The following RANBP10 variants were observed in gnomAD, a reference collection of about 807,000 sequenced individuals.
RANBP10 encodes the protein ran-binding protein 10.
RANBP10 carries 24 observed loss-of-function variants against 72.8 expected under a neutral mutation model. The observed-to-expected ratio is 0.33, with a 90% CI of 0.24 to 0.46. The LOEUF is 0.46. RANBP10 is among the 20% of genes least tolerant of loss of function. The pLI, the probability that RANBP10 is intolerant of heterozygous loss-of-function variation, is 1.00. For synonymous variants in RANBP10, 310 were observed against 322.3 expected, an observed-to-expected ratio of 0.96 and a Z score of 0.41; for missense variants, 679 against 817.5, an observed-to-expected ratio of 0.83 and a Z score of 2.07.
intron 3 of RANBP10, among the ~76,000 whole-genome samples, chr16:67,771,555 G>A (rs2054608139): frequency 6.6e-6 from 1 of 152,108 alleles, no homozygotes; most frequent in Admixed American, 6.5e-5. Flanking sequence ...ATGTTGGCCA[G>A]GCTGGTCTCG....
chr16:67,799,918 C>A (rs1307583036), intron 2 of RANBP10, among the ~76,000 whole-genome samples: 5 of 151,996 alleles, frequency 3.3e-5, no homozygotes, highest in Non-Finnish European at 7.4e-5. Context: ...GTCAAGAGAT[C>A]TAGAACATCC....
chr16:67,774,968 T>C (rs1024071359), intron 2 of RANBP10, among the ~76,000 whole-genome samples: 1 of 152,024 alleles, frequency 6.6e-6, no homozygotes, highest in Non-Finnish European at 1.5e-5. Context: ...TCAATAACAC[T>C]CAAGAAAGTA....
chr16:67,762,448 C>T (rs1377412642), intron 3 of RANBP10: 1 of 152,210 alleles, frequency 6.6e-6, no homozygotes, highest in Non-Finnish European at 1.5e-5. Context: ...CTCCAGGTAA[C>T]ACAGCCGCCA....
At chr16:67,764,509 T>A (rs1489860371) in intron 3 of RANBP10, among the ~76,000 whole-genome samples, 2 of 152,090 alleles carry the variant, frequency 1.3e-5, no homozygotes, top group East Asian at 3.9e-4. Flanking sequence ...AATAAAAGCA[T>A]TCTTAAAACA....
At chr16:67,762,857 C>T (rs901815841) in intron 3 of RANBP10, among the ~76,000 whole-genome samples, 5 of 152,208 alleles carry the variant, frequency 3.3e-5, no homozygotes, top group Non-Finnish European at 7.3e-5. Context: ...ATGGGGGAGT[C>T]CCAAGGAGCT....
chr16:67,758,702 T>C (rs1042727960), intron 3 of RANBP10, among the ~76,000 whole-genome samples: 3 of 152,232 alleles, frequency 2.0e-5, no homozygotes, highest in Admixed American at 2.0e-4. Flanking sequence ...CTGCTGTCGA[T>C]GAAACCTTTT....
At chr16:67,786,711 T>A (rs1376115001) in intron 2 of RANBP10, among the ~76,000 whole-genome samples, 1 of 151,962 alleles carries the variant, frequency 6.6e-6, no homozygotes, top group Non-Finnish European at 1.5e-5. Flanking sequence ...GCAGATCAGT[T>A]AAGGTCAGGA....
At chr16:67,765,172 C>T (rs375276962) in intron 3 of RANBP10, among the ~76,000 whole-genome samples, 1 of 125,784 alleles carries the variant, frequency 8.0e-6, no homozygotes. Context: ...TGCACTCCAA[C>T]CTGGGTGACA....
Position 67,788,409 on chromosome 16 carries a change from T to A in RANBP10, c.348-16323A>T, listed in dbSNP as rs181579175. On this transcript the variant is annotated intron_variant, in intron 2 of 13. Coordinates refer to ENST00000317506, the MANE Select transcript of RANBP10 (RefSeq NM_020850.3). ...CTGGGACTATAGGCGCCCGCCACCA[T>A]GCCCGGCTAATTTTTTGTTGTATTT... is the stretch of plus-strand genomic sequence containing the variant. 8.7e-4 allele frequency among the ~76,000 whole-genome samples: 131 copies of A among 151,220 alleles called. 2 individuals are homozygous for A. The highest frequency in any genetic ancestry group is 6.0e-4 in the East Asian group (3 of 5,038).
Position 67,733,854 on chromosome 16 carries a change from C to A in RANBP10, c.776+1004G>T, listed in dbSNP as rs1373217283. Among the ~76,000 whole-genome samples, 10 of 152,300 alleles carry A rather than the reference C, an allele frequency of 6.6e-5. No homozygotes were observed. In the East Asian group the frequency reaches 1.9e-3, roughly 29 times the overall value. ...AACACATCCATGTGCTGAGCCTAGG[C>A]CCTGAAAACTGAGAGTATCAGTTCC... On this transcript the variant is annotated intron_variant, in intron 6 of 13. Coordinates refer to ENST00000317506, the MANE Select transcript of RANBP10 (RefSeq NM_020850.3).
Position 67,794,967 on chromosome 16 carries a change from A to G in RANBP10, c.347+10461T>C, listed in dbSNP as rs527801343. ...AAAACAAAAAAAAAAAACAGCAACA[A>G]AAAAAGGCCAAGTACAGTGGCTCAC... On this transcript the variant is annotated intron_variant, in intron 2 of 13. Transcript: ENST00000317506. Among the ~76,000 whole-genome samples the G allele has an allele frequency of 4.9e-3, 744 of 151,254 alleles. 7 individuals are homozygous for G. Among genetic ancestry groups the G allele is most frequent in the African/African-American group, 0.017 (720 of 41,182 alleles).
chr16:67,772,199 G>T, intron 2 of RANBP10, 113 bp from the exon 3 acceptor site: 1 of 1,149,550 alleles, frequency 8.7e-7, no homozygotes, highest in Non-Finnish European at 1.2e-6. Flanking sequence ...AGCAATGAAT[G>T]TAGAGGCTCT....
In RANBP10 at chr16:67,746,325, C is replaced by A. The variant is rs535803789; in HGVS notation, c.401-1870G>T. On this transcript the variant is annotated intron_variant, in intron 3 of 13. Coordinates refer to ENST00000317506, the MANE Select transcript of RANBP10 (RefSeq NM_020850.3). The stretch of plus-strand genomic sequence containing the variant: ...TGAAACCCCATCTCTACCAAAAATA[C>A]AAAAAATTAGCCAGGCATGGTGGTG... 2.7e-3 allele frequency among the ~76,000 whole-genome samples: 392 copies of A among 145,780 alleles called. 19 individuals carry two copies. In the South Asian group the frequency reaches 0.083, roughly 31 times the overall value.
At chr16:67,791,467 G>C (rs1273090765) in intron 2 of RANBP10, among the ~76,000 whole-genome samples, 1 of 152,154 alleles carries the variant, frequency 6.6e-6, no homozygotes, top group African/African-American at 2.4e-5. Context: ...CACCCACAGG[G>C]CTCTGGTAGG....
At chr16:67,764,636 T>C (rs899781403) in intron 3 of RANBP10, among the ~76,000 whole-genome samples, 5 of 152,208 alleles carry the variant, frequency 3.3e-5, no homozygotes, top group African/African-American at 9.7e-5. Flanking sequence ...CCTGTCACAG[T>C]GAGCTATGAT....
At chr16:67,746,366 A>G in intron 3 of RANBP10, among the ~76,000 whole-genome samples, 1 of 151,738 alleles carries the variant, frequency 6.6e-6, no homozygotes, top group East Asian at 1.9e-4. Flanking sequence ...CTGTAGTCCC[A>G]GCTACTCAGG....
At chr16:67,791,698 G>A (rs1311917912) in intron 2 of RANBP10, among the ~76,000 whole-genome samples, 1 of 152,112 alleles carries the variant, frequency 6.6e-6, no homozygotes, top group African/African-American at 2.4e-5. Flanking sequence ...TGGCAATCTT[G>A]TTGCTATCAG....
chr16:67,757,526 T>C (rs536010003), intron 3 of RANBP10, among the ~76,000 whole-genome samples: 3 of 152,188 alleles, frequency 2.0e-5, no homozygotes, highest in Admixed American at 1.3e-4. Flanking sequence ...TCCAGGTACA[T>C]TGCGGGACAT....
intron 2 of RANBP10, among the ~76,000 whole-genome samples, chr16:67,791,958 T>C (rs2055035893): frequency 6.6e-6 from 1 of 151,702 alleles, no homozygotes; most frequent in Non-Finnish European, 1.5e-5. Flanking sequence ...GGCAGGAGGA[T>C]TGCTAGTGCC....
Sources: gnomAD v4.1 joint callset for allele counts (sites outside exome capture counted in the v4.1 genomes callset) on GRCh38, gnomAD v4.1.1 for gene constraint, MANE v1.5 for transcripts, NCBI Gene and HGNC (gene_info 2026-07-23, HGNC 2026-07-21) for gene names.